VPS13B: variants seen among roughly 807,000 people sequenced by gnomAD.
The protein encoded by VPS13B is intermembrane lipid transfer protein VPS13B.
VPS13B carries 285 observed loss-of-function variants against 426.4 expected under a neutral mutation model. The observed-to-expected ratio is 0.67, with a 90% CI of 0.61 to 0.74. The LOEUF is 0.74. VPS13B is among the 30% of genes least tolerant of loss of function. The probability of loss-of-function intolerance (pLI) is 0.00; values close to 1 mark genes in which losing one functional copy is unlikely to be tolerated. For missense variants in VPS13B, 4,537 were observed against 4,782.6 expected (o/e 0.95, Z 1.51); for synonymous variants, 1,676 against 1,676.4 (o/e 1.00, Z 0.01).
At chr8:99,717,583 C>T (rs982496251) in intron 37 of VPS13B, among the ~76,000 whole-genome samples, 2 of 152,116 alleles carry the variant, frequency 1.3e-5, no homozygotes, top group Non-Finnish European at 2.9e-5. Flanking sequence ...GGTTTTTTAG[C>T]ATATTCAGAG....
At chr8:99,684,384 A>G (rs993227408) in intron 35 of VPS13B, among the ~76,000 whole-genome samples, 1 of 152,202 alleles carries the variant, frequency 6.6e-6, no homozygotes, top group African/African-American at 2.4e-5. Flanking sequence ...GAAAGAAGGA[A>G]AACAATAGAT....
intron 29 of VPS13B, among the ~76,000 whole-genome samples, chr8:99,516,128 C>T (rs1822055787): frequency 6.6e-6 from 1 of 152,150 alleles, no homozygotes; most frequent in South Asian, 2.1e-4. Flanking sequence ...CAGATTTTGA[C>T]ACATTATGTT....
rs373518109 is a variant in VPS13B, at chr8:99,793,414, A to T, written c.7941+8938A>T. Among the ~76,000 whole-genome samples the T allele has an allele frequency of 4.6e-5, 7 of 152,042 alleles. No individual in the cohort carries two copies. In the East Asian group the frequency reaches 9.7e-4, roughly 21 times the overall value. On this transcript the variant is annotated intron_variant, in intron 43 of 61. Coordinates refer to ENST00000357162, the MANE Select transcript of VPS13B (RefSeq NM_152564.5). Reference sequence around the variant, plus strand: ...GAAAACAACGCATTACCTACCACACATTAGGAGAACAACAATCAAATTACT... The same window carrying T: ...GAAAACAACGCATTACCTACCACACTTTAGGAGAACAACAATCAAATTACT...
At chr8:99,383,178 G>T (rs1042922154) in intron 19 of VPS13B, among the ~76,000 whole-genome samples, 1 of 152,140 alleles carries the variant, frequency 6.6e-6, no homozygotes, top group Admixed American at 6.6e-5. Context: ...TTAGTTAGTT[G>T]GTTGGAATTG....
At chr8:99,603,403 TGA>T (rs1321144922) in intron 33 of VPS13B, among the ~76,000 whole-genome samples, 4 of 152,174 alleles carry the variant, frequency 2.6e-5, no homozygotes, top group African/African-American at 9.7e-5. Context: ...TTAGTCACAG[TGA>T]GAGATTAACA....
At chr8:99,494,973 A>G (rs933898989) in intron 25 of VPS13B, among the ~76,000 whole-genome samples, 5 of 151,898 alleles carry the variant, frequency 3.3e-5, no homozygotes, top group Admixed American at 2.0e-4. Context: ...GTCAAACACT[A>G]TAGATTACAA....
chr8:99,528,183 G>A (rs953282022), intron 30 of VPS13B, among the ~76,000 whole-genome samples: 2 of 151,976 alleles, frequency 1.3e-5, no homozygotes, highest in African/African-American at 4.8e-5. Context: ...CTCTGATTCT[G>A]AGTACTATGT....
At chr8:99,313,247 A>G (rs1821113958) in intron 19 of VPS13B, among the ~76,000 whole-genome samples, 1 of 151,962 alleles carries the variant, frequency 6.6e-6, no homozygotes, top group Non-Finnish European at 1.5e-5. Context: ...AAGCGCTCTG[A>G]TTTTTAGAAT....
chr8:99,294,407 G>T (rs1415189635), intron 19 of VPS13B, among the ~76,000 whole-genome samples: 1 of 133,588 alleles, frequency 7.5e-6, no homozygotes, highest in African/African-American at 2.8e-5. Flanking sequence ...GGGGGAGGGG[G>T]GAGAGATAGC....
chr8:99,322,408 C>T (rs2133130905), intron 19 of VPS13B, among the ~76,000 whole-genome samples: 1 of 152,122 alleles, frequency 6.6e-6, no homozygotes, highest in Middle Eastern at 3.4e-3. Context: ...TTTTCAAGAA[C>T]TCAAGAATAT....
At chr8:99,614,738 TTAAA>T (rs1352750295) in intron 33 of VPS13B, among the ~76,000 whole-genome samples, 2 of 152,200 alleles carry the variant, frequency 1.3e-5, no homozygotes, top group Non-Finnish European at 2.9e-5. Flanking sequence ...ATTATTTGGA[TTAAA>T]TAAACTTCTA....
At chr8:99,102,802 G>A in intron 4 of VPS13B, 151 bp from the exon 5 acceptor site, 1 of 753,512 alleles carries the variant, frequency 1.3e-6, no homozygotes, top group Middle Eastern at 4.0e-4. Context: ...ACTTTGGCAA[G>A]CCTTTTAACC....
chr8:99,714,476 G>GA (rs968531979), intron 36 of VPS13B, among the ~76,000 whole-genome samples: 1 of 152,088 alleles, frequency 6.6e-6, no homozygotes, highest in African/African-American at 2.4e-5. Context: ...ATTAGTGGGT[G>GA]AAAATTTGAA....
chr8:99,835,040 AAT>A (rs1391788238), intron 52 of VPS13B, among the ~76,000 whole-genome samples, 155 bp from the exon 53 acceptor site: 7 of 152,218 alleles, frequency 4.6e-5, no homozygotes, highest in African/African-American at 1.7e-4. Context: ...GAATATTATA[AAT>A]ATGTTACTGT....
At chr8:99,372,264 AAC>A (rs1313980475) in intron 19 of VPS13B, among the ~76,000 whole-genome samples, 4 of 151,610 alleles carry the variant, frequency 2.6e-5, no homozygotes, top group African/African-American at 9.7e-5. Context: ...AAAAAAAAAA[AAC>A]AAAAAACACC....
chr8:99,633,245 A>G (rs754630643), intron 33 of VPS13B, among the ~76,000 whole-genome samples: 1 of 152,012 alleles, frequency 6.6e-6, no homozygotes, highest in Non-Finnish European at 1.5e-5. Flanking sequence ...AAGTTCAACT[A>G]TAGTTTTCTT....
At chr8:99,427,471 G>T (rs1318862681) in intron 21 of VPS13B, among the ~76,000 whole-genome samples, 1 of 151,158 alleles carries the variant, frequency 6.6e-6, no homozygotes, top group Non-Finnish European at 1.5e-5. Context: ...GTAGCTTGAT[G>T]GGGATTCTTA....
At chr8:99,673,237 A>C (rs1390339810) in intron 35 of VPS13B, among the ~76,000 whole-genome samples, 1 of 152,084 alleles carries the variant, frequency 6.6e-6, no homozygotes, top group Admixed American at 6.6e-5. Flanking sequence ...AGTAGAATTC[A>C]GTGGTGAAGT....
chr8:99,411,601 C>T lies in VPS13B; in HGVS notation c.3082+19897C>T, dbSNP rs1014570622. 3.9e-5 allele frequency among the ~76,000 whole-genome samples: 6 copies of T among 152,040 alleles called. No homozygotes were observed. In the South Asian group the frequency reaches 1.0e-3, roughly 26 times the overall value. Reference sequence around the variant, plus strand: ...ATTTGTCAATTTTGGTTTTTGTTGCCGTTGCTTTTGGTGTTTTAGTTATGA... The same window carrying T: ...ATTTGTCAATTTTGGTTTTTGTTGCTGTTGCTTTTGGTGTTTTAGTTATGA... On this transcript the variant is annotated intron_variant, in intron 21 of 61. Transcript: ENST00000357162.
Sources: allele counts gnomAD v4.1 joint callset (sites outside exome capture counted in the v4.1 genomes callset), GRCh38; gene constraint gnomAD v4.1.1; transcripts MANE v1.5; gene names NCBI Gene and HGNC (gene_info 2026-07-23, HGNC 2026-07-21).